The following SMCO4 variants were observed in gnomAD, a reference collection of about 807,000 sequenced individuals.
The protein encoded by SMCO4 is single-pass membrane and coiled-coil domain-containing protein 4.
SMCO4 carries 4 observed loss-of-function variants against 3.6 expected under a neutral mutation model. The observed-to-expected ratio is 1.11, with a 90% CI of 0.54 to 2.53. The LOEUF is 2.53. SMCO4 is among the 30% of genes most tolerant of loss of function. The probability of loss-of-function intolerance (pLI) is 0.02; values close to 1 mark genes in which losing one functional copy is unlikely to be tolerated. For missense variants in SMCO4, 70 were observed against 80.8 expected, an observed-to-expected ratio of 0.87 and a Z score of 0.51; for synonymous variants, 36 against 35.3, an observed-to-expected ratio of 1.02 and a Z score of -0.07.
rs1172292452 is a variant in SMCO4 at position 93,479,120 on chromosome 11, G to A, written c.70C>T (p.Gln24Ter). 1 of 1,614,062 alleles carries A rather than the reference G, an allele frequency of 6.2e-7. No individual in the cohort carries two copies. Among genetic ancestry groups the A allele is most frequent in the Admixed American group, 1.7e-5 (1 of 60,030 alleles). Reference protein sequence around the residue: ...KDKKERKQAMQEARQQITTVV... With the variant: ...KDKKERKQAM ...GTAGTGATCTGCTGCCGGGCCTCCT[G>A]CATGGCTTGCTTCCGCTCCTTCTTG... Residue 24 changes from glutamine (Q) to a stop codon, truncating the protein, a stop_gained, in exon 3 of 3, where the codon CAG becomes TAG. Transcript: ENST00000298966. LOFTEE classifies it high-confidence loss of function.
chr11:93,545,936 C>A (rs138432857), upstream of SMCO4, among the ~76,000 whole-genome samples: 132 of 152,338 alleles, frequency 8.7e-4, 4 homozygotes, highest in Middle Eastern at 0.014. Flanking sequence ...GAGGAAAGAC[C>A]CTGAGAAGAG....
chr11:93,496,027 AGTC>A (rs1948768476), intron 2 of SMCO4, among the ~76,000 whole-genome samples: 1 of 152,196 alleles, frequency 6.6e-6, no homozygotes, highest in South Asian at 2.1e-4. Context: ...CAGACAGTGC[AGTC>A]CACTCCATGG....
At chr11:93,534,706 G>C (rs1949202570) in intron 1 of SMCO4, among the ~76,000 whole-genome samples, 1 of 152,086 alleles carries the variant, frequency 6.6e-6, no homozygotes, top group Non-Finnish European at 1.5e-5. Flanking sequence ...GCCCCTTTGA[G>C]CAATAGGTAA....
At chr11:93,512,997 C>T (rs73559523) in intron 1 of SMCO4, among the ~76,000 whole-genome samples, 36 of 152,188 alleles carry the variant, frequency 2.4e-4, no homozygotes, top group African/African-American at 8.2e-4. Context: ...TCGGCAGGCC[C>T]GAGAGGTGTG....
intron 2 of SMCO4, among the ~76,000 whole-genome samples, chr11:93,485,352 ACCTGAG>A (rs917971035): frequency 9.9e-5 from 15 of 152,034 alleles, no homozygotes; most frequent in African/African-American, 3.6e-4. Context: ...TTACCATCAC[ACCTGAG>A]CCTGCCTGTG....
chr11:93,514,954 C>G (rs1305563773), intron 1 of SMCO4, among the ~76,000 whole-genome samples: 3 of 152,200 alleles, frequency 2.0e-5, no homozygotes, highest in African/African-American at 7.2e-5. Flanking sequence ...GCATTCAACA[C>G]TGGCATTCAA....
In SMCO4 at chr11:93,478,758, C is replaced by CAG; in HGVS notation, c.*251_*252insCT. ...ACACACACACACACACACACATGCG[C>CAG]GCGCGCTTTGAAGTCTGAAAGGCAC... On this transcript the variant is annotated 3_prime_UTR_variant, in exon 3 of 3. Transcript: ENST00000298966. 3.2e-6 allele frequency: 3 copies of CAG among 925,978 alleles called. No homozygotes were observed. The highest frequency in any genetic ancestry group is 4.4e-6 in the Non-Finnish European group (3 of 686,448). 57.4% of individuals were successfully genotyped at this position (925,978 alleles called of 1,614,324 possible).
intron 2 of SMCO4, among the ~76,000 whole-genome samples, chr11:93,484,478 A>G (rs1948625871): frequency 6.6e-6 from 1 of 152,204 alleles, no homozygotes; most frequent in Admixed American, 6.5e-5. Context: ...ACAAGGTACT[A>G]AATCTCTCAC....
intron 1 of SMCO4, among the ~76,000 whole-genome samples, chr11:93,536,344 A>G (rs1949224774): frequency 1.3e-5 from 2 of 152,224 alleles, no homozygotes; most frequent in African/African-American, 4.8e-5. Context: ...GTGCATACTA[A>G]TATGTATGAA....
chr11:93,479,030 G>T lies in SMCO4; in HGVS notation c.160C>A (p.Arg54Ser). Residue 54 changes from arginine (R) to serine (S), a missense_variant, in exon 3 of 3, where the codon CGC (arginine) becomes AGC (serine). Arg to Ser is a moderately radical substitution (Grantham distance 110). Coordinates refer to ENST00000298966, the MANE Select transcript of SMCO4 (RefSeq NM_020179.3). ...GGGGCTCACTCGGTGATGGTGGGGC[G>T]CGTGGCCACGTACACAAACACCACG... Reference protein sequence around the residue: ...LIVVFVYVATRPTITE With the variant: ...LIVVFVYVATSPTITE 6.2e-7 allele frequency: 1 copy of T among 1,609,202 alleles called. No individual in the cohort carries two copies.
intron 2 of SMCO4, among the ~76,000 whole-genome samples, chr11:93,489,708 G>GA (rs1948692188): frequency 6.6e-6 from 1 of 152,248 alleles, no homozygotes; most frequent in East Asian, 1.9e-4. Context: ...CCCTGAACCT[G>GA]AAATCTGACC....
chr11:93,499,871 A>G (rs10831051), intron 1 of SMCO4, among the ~76,000 whole-genome samples: 69,421 of 152,148 alleles, frequency 0.46, 16,372 homozygotes, highest in Non-Finnish European at 0.51. Context: ...AACATCAGAG[A>G]GGAAAGGAAG....
chr11:93,479,538 A>G (rs1948566659), intron 2 of SMCO4, among the ~76,000 whole-genome samples: 1 of 152,194 alleles, frequency 6.6e-6, no homozygotes, highest in African/African-American at 2.4e-5. Flanking sequence ...TGTTCTGTAC[A>G]TGCCATGAGG....
At chr11:93,553,063 C>G in the SMCO4 span, among the ~76,000 whole-genome samples, 1 of 152,230 alleles carries the variant, frequency 6.6e-6, no homozygotes, top group African/African-American at 2.4e-5. Flanking sequence ...GTAGACAAGA[C>G]TGTCCAGAGC....
intron 1 of SMCO4, among the ~76,000 whole-genome samples, chr11:93,508,691 A>C (rs1948930867): frequency 6.6e-6 from 1 of 152,360 alleles, no homozygotes; most frequent in East Asian, 1.9e-4. Context: ...AAGAGCAATA[A>C]ACTACAGCAG....
chr11:93,514,400 ATATATATATATATAT>A lies in SMCO4; in HGVS notation c.-153-15067_-153-15053del, dbSNP rs1565383014. ...TATATATATATATATATATATATAT[ATATATATATATATAT>A]ATATATAAAATTTGGTCTCTTCCAA... is the stretch of plus-strand genomic sequence containing the variant. On this transcript the variant is annotated intron_variant, in intron 1 of 2. Transcript: ENST00000298966. 7.2e-4 allele frequency among the ~76,000 whole-genome samples: 69 copies of A among 95,874 alleles called. 1 individual carries two copies. In the South Asian group the frequency reaches 0.016, roughly 23 times the overall value. 62.9% of individuals were successfully genotyped at this position (95,874 alleles called of 152,430 possible).
intron 1 of SMCO4, among the ~76,000 whole-genome samples, chr11:93,535,237 A>C (rs1416451985): frequency 6.6e-6 from 1 of 152,200 alleles, no homozygotes; most frequent in African/African-American, 2.4e-5. Flanking sequence ...AGAGAATGTG[A>C]AATCAGGAGC....
chr11:93,515,635 A>G (rs1228471550), intron 1 of SMCO4, among the ~76,000 whole-genome samples: 1 of 152,174 alleles, frequency 6.6e-6, no homozygotes, highest in Non-Finnish European at 1.5e-5. Flanking sequence ...TCTGCCTACA[A>G]GTTCCTCCTA....
chr11:93,550,338 A>G, the SMCO4 span, among the ~76,000 whole-genome samples: 66,221 of 151,948 alleles, frequency 0.44, 15,204 homozygotes, highest in Admixed American at 0.57. Flanking sequence ...ACCACACTAA[A>G]ATCACAACTC....
Sources: allele counts gnomAD v4.1 joint callset (sites outside exome capture counted in the v4.1 genomes callset), GRCh38; gene constraint gnomAD v4.1.1; transcripts MANE v1.5; gene names NCBI Gene and HGNC (gene_info 2026-07-23, HGNC 2026-07-21).